Variants in KANSL3 observed in about 807,000 individuals in gnomAD.
KANSL3 encodes the protein KAT8 regulatory NSL complex subunit 3.
Under a neutral mutation model 89.2 loss-of-function variants are expected in KANSL3, and 16 were observed. The ratio of observed to expected loss-of-function variants is 0.18; its 90% CI spans 0.12 to 0.27. KANSL3 has a LOEUF of 0.27. Among genes scored for constraint, KANSL3 ranks in the 10% least tolerant of loss-of-function variants. KANSL3 has a pLI of 1.00. For synonymous variants in KANSL3, 385 were observed against 419.7 expected, an observed-to-expected ratio of 0.92 and a Z score of 1.01; for missense variants, 879 against 1,110.6, an observed-to-expected ratio of 0.79 and a Z score of 2.96.
At chr2:96,628,161 C>T in intron 3 of KANSL3, 20 of 1,288,470 alleles carry the variant, frequency 1.6e-5, no homozygotes, top group Non-Finnish European at 2.0e-5. Context: ...GCACACTGGC[C>T]TATTCCGTGG....
chr2:96,589,148 A>G (rs2066258561), downstream of KANSL3, among the ~76,000 whole-genome samples: 2 of 152,230 alleles, frequency 1.3e-5, no homozygotes, highest in Admixed American at 1.3e-4. Context: ...ACCCACTTAC[A>G]GGCAGGAAAA....
chr2:96,609,950 CAAAAAAAAAAAAAAAAAA>C (rs35175492), intron 11 of KANSL3, among the ~76,000 whole-genome samples: 3 of 21,612 alleles, frequency 1.4e-4, no homozygotes, highest in African/African-American at 2.1e-4. Flanking sequence ...GGCGCCACCT[CAAAAAAAAAAAAAAAAAA>C]AAAAAAAAAA....
intron 7 of KANSL3, 40 bp from the exon 8 acceptor site, chr2:96,612,603 T>C (rs778359419): frequency 2.0e-6 from 3 of 1,510,616 alleles, no homozygotes; most frequent in Non-Finnish European, 2.8e-6. Context: ...CAGAGGTAAG[T>C]TTCAAATCTT....
chr2:96,631,219 G>A (rs2073326110), intron 3 of KANSL3, 93 bp downstream of exon 3: 3 of 907,680 alleles, frequency 3.3e-6, no homozygotes, highest in Non-Finnish European at 5.2e-6. Context: ...TTGTGTTGCT[G>A]CAAATGAAAT....
chr2:96,612,221 T>C (rs769216649), intron 9 of KANSL3, 61 bp downstream of exon 9: 106 of 1,141,722 alleles, frequency 9.3e-5, no homozygotes, highest in Non-Finnish European at 6.3e-5. Context: ...GACTCAATGG[T>C]AGCTATGATT....
intron 2 of KANSL3, among the ~76,000 whole-genome samples, chr2:96,632,014 C>G (rs1295457561): frequency 1.3e-5 from 2 of 152,030 alleles, no homozygotes; most frequent in African/African-American, 4.8e-5. Flanking sequence ...TCACTGCACT[C>G]CAGCCTGGGT....
At chr2:96,605,860 G>C (rs1392560481) in intron 14 of KANSL3, 1 of 173,508 alleles carries the variant, frequency 5.8e-6, no homozygotes, top group Non-Finnish European at 1.2e-5. Context: ...CAAAAATAGA[G>C]GATTCAACAG....
intron 19 of KANSL3, 164 bp downstream of exon 19, chr2:96,601,952 T>A: frequency 8.4e-7 from 1 of 1,194,706 alleles, no homozygotes; most frequent in Non-Finnish European, 1.1e-6. Flanking sequence ...GCCTGTGTTC[T>A]CTCAACCTCT....
chr2:96,596,045 T>C (rs189671544), intron 20 of KANSL3, among the ~76,000 whole-genome samples: 110 of 152,178 alleles, frequency 7.2e-4, no homozygotes, highest in Non-Finnish European at 1.2e-3. Context: ...AAAAAGGAAA[T>C]AGGTGAGTTT....
chr2:96,596,034 A>G (rs1176242325), intron 20 of KANSL3, among the ~76,000 whole-genome samples: 2 of 152,220 alleles, frequency 1.3e-5, no homozygotes, highest in East Asian at 3.8e-4. Context: ...AGGAATGCAG[A>G]AAAAAGGAAA....
At chr2:96,607,812 C>A (rs548798036) in intron 14 of KANSL3, among the ~76,000 whole-genome samples, 163 of 152,260 alleles carry the variant, frequency 1.1e-3, no homozygotes, top group Non-Finnish European at 1.9e-3. Context: ...TCCCAGGCAC[C>A]CCTATTCCTG....
chr2:96,610,772 C>T lies in KANSL3; in HGVS notation c.1273G>A (p.Ala425Thr), dbSNP rs961591585. 1 of 1,614,020 alleles carries T rather than the reference C, an allele frequency of 6.2e-7. No individual in the cohort carries two copies. The highest frequency in any genetic ancestry group is 8.5e-7 in the Non-Finnish European group (1 of 1,179,900). The change falls in exon 11 of 21, where the codon GCT becomes ACT. Residue 425 changes from alanine (A) to threonine (T), a missense_variant. By Grantham distance (58) the Ala-to-Thr change is moderately conservative. Around this residue, in one of 6 missense-constraint regions of KANSL3, gnomAD observed 198 missense variants for 260.3 expected, o/e 0.76. Transcript: ENST00000431828. Reference protein sequence around the residue: ...AMEDFREKIRAENSLVVVGGA... With the variant: ...AMEDFREKIRTENSLVVVGGA... The stretch of plus-strand genomic sequence containing the variant: ...CCAACCACCACCAAGCTGTTCTCAG[C>T]TCGAATCTTCTCCCGGAAGTCCTCC...
chr2:96,637,179 T>C lies in KANSL3; in HGVS notation c.-44A>G, dbSNP rs1233084106. On this transcript the variant is annotated 5_prime_UTR_variant, in exon 2 of 21. Coordinates refer to ENST00000431828, the MANE Select transcript of KANSL3 (RefSeq NM_001115016.3). ...AGTCAGAGCATGGGTATCTGCATGCTAGTCACCTGCAGTGAAAAGTTTCAG... is the reference window on the plus strand; with the variant it reads ...AGTCAGAGCATGGGTATCTGCATGCCAGTCACCTGCAGTGAAAAGTTTCAG... 1.6e-6 allele frequency: 2 copies of C among 1,289,292 alleles called. No individual in the cohort carries two copies. The highest frequency in any genetic ancestry group is 1.5e-5 in the African/African-American group (1 of 67,486). The allele number at this position is 1,289,292 out of a possible 1,614,324, so 79.9% of individuals were successfully genotyped here.
chr2:96,590,682 T>C (rs1003648954), downstream of KANSL3, among the ~76,000 whole-genome samples: 29 of 151,956 alleles, frequency 1.9e-4, 1 homozygote, highest in Admixed American at 1.1e-3. Flanking sequence ...ATGTTCTCAT[T>C]TTAAAAACTG....
intron 11 of KANSL3, among the ~76,000 whole-genome samples, 163 bp from the exon 12 acceptor site, chr2:96,609,725 T>C (rs1166392167): frequency 6.6e-6 from 1 of 152,018 alleles, no homozygotes; most frequent in East Asian, 1.9e-4. Flanking sequence ...TGTTTCCGTG[T>C]CTGCAAAATG....
At chr2:96,622,971 G>C (rs2071584886) in intron 3 of KANSL3, among the ~76,000 whole-genome samples, 2 of 152,112 alleles carry the variant, frequency 1.3e-5, no homozygotes, top group Non-Finnish European at 1.5e-5. Context: ...TCTTACCCTA[G>C]GATTCACTAA....
At chr2:96,630,196 T>C (rs1055205802) in intron 3 of KANSL3, among the ~76,000 whole-genome samples, 2 of 152,094 alleles carry the variant, frequency 1.3e-5, no homozygotes, top group South Asian at 2.1e-4. Flanking sequence ...ATTAAAAACT[T>C]AGATCCACAC....
intron 20 of KANSL3, among the ~76,000 whole-genome samples, chr2:96,598,715 G>A (rs1573264041): frequency 6.6e-6 from 1 of 152,142 alleles, no homozygotes; most frequent in Non-Finnish European, 1.5e-5. Context: ...TTCAAGACAA[G>A]CCTGGACAAC....
chr2:96,622,068 A>G (rs1186142820), intron 3 of KANSL3, among the ~76,000 whole-genome samples: 4 of 151,640 alleles, frequency 2.6e-5, no homozygotes, highest in Non-Finnish European at 5.9e-5. Flanking sequence ...GAGCTGAGAC[A>G]GTGCCATTGC....
Sources: allele counts gnomAD v4.1 joint callset (sites outside exome capture counted in the v4.1 genomes callset), GRCh38; gene constraint gnomAD v4.1.1; regional missense constraint gnomAD v4.1.1; transcripts MANE v1.5; gene names NCBI Gene and HGNC (gene_info 2026-07-23, HGNC 2026-07-21).